Variants in ARSB observed in about 807,000 individuals in gnomAD.
ARSB encodes the protein N-acetylgalactosamine-4-sulfatase.
Under a neutral mutation model 50.9 loss-of-function variants are expected in ARSB, and 41 were observed. The observed-to-expected ratio is 0.81, with a 90% CI of 0.63 to 1.04. ARSB has a LOEUF of 1.04. Among genes scored for constraint, ARSB ranks in the 50% least tolerant of loss-of-function variants. The pLI is 0.00. For synonymous variants in ARSB, 269 were observed against 284.8 expected, an observed-to-expected ratio of 0.94 and a Z score of 0.56; for missense variants, 672 against 693.3, an observed-to-expected ratio of 0.97 and a Z score of 0.35.
At chr5:78,814,146 A>C (rs1332124138) in intron 6 of ARSB, among the ~76,000 whole-genome samples, 1 of 150,960 alleles carries the variant, frequency 6.6e-6, no homozygotes, top group Non-Finnish European at 1.5e-5. Flanking sequence ...ATAGCTTGAG[A>C]TGTCTGCAAG....
intron 3 of ARSB, among the ~76,000 whole-genome samples, chr5:78,958,367 G>A (rs901591762): frequency 6.6e-6 from 1 of 152,110 alleles, no homozygotes; most frequent in Non-Finnish European, 1.5e-5. Context: ...GTGATTCCCA[G>A]CCAGCAATTG....
intron 4 of ARSB, among the ~76,000 whole-genome samples, chr5:78,928,278 G>A (rs1193805480): frequency 6.7e-6 from 1 of 149,614 alleles, no homozygotes; most frequent in Non-Finnish European, 1.5e-5. Context: ...AGGATCTGTG[G>A]GCAACTGTGA....
chr5:78,959,271 GC>G (rs1751879239), intron 3 of ARSB, among the ~76,000 whole-genome samples: 1 of 151,694 alleles, frequency 6.6e-6, no homozygotes, highest in Non-Finnish European at 1.5e-5. Flanking sequence ...GTTTCCTGAG[GC>G]CTCCCCAGCC....
intron 4 of ARSB, among the ~76,000 whole-genome samples, chr5:78,887,824 A>G (rs752885220): frequency 1.3e-5 from 2 of 152,176 alleles, no homozygotes; most frequent in Non-Finnish European, 2.9e-5. Flanking sequence ...TCACACATGT[A>G]GGCCACATAA....
intron 1 of ARSB, among the ~76,000 whole-genome samples, chr5:78,979,378 C>T (rs550987887): frequency 5.3e-5 from 8 of 152,184 alleles, no homozygotes; most frequent in Admixed American, 2.0e-4. Flanking sequence ...AACCCACATA[C>T]GTTGCTAGTG....
chr5:78,905,435 T>A (rs187737834), intron 4 of ARSB, among the ~76,000 whole-genome samples: 339 of 151,604 alleles, frequency 2.2e-3, no homozygotes, highest in Non-Finnish European at 4.1e-3. Flanking sequence ...GTTAAAATCC[T>A]CTCGAGGGTG....
At chr5:78,902,538 G>A (rs1423165856) in intron 4 of ARSB, among the ~76,000 whole-genome samples, 1 of 152,090 alleles carries the variant, frequency 6.6e-6, no homozygotes, top group African/African-American at 2.4e-5. Context: ...TTTTTAAAAT[G>A]TATATTTTCA....
At chr5:78,953,613 C>T (rs952459491) in intron 4 of ARSB, among the ~76,000 whole-genome samples, 1 of 152,138 alleles carries the variant, frequency 6.6e-6, no homozygotes, top group African/African-American at 2.4e-5. Flanking sequence ...AATTCCTCAA[C>T]ATGTCACCTC....
At chr5:78,966,067 G>A (rs1340389168) in intron 2 of ARSB, among the ~76,000 whole-genome samples, 3 of 152,184 alleles carry the variant, frequency 2.0e-5, no homozygotes, top group Non-Finnish European at 4.4e-5. Context: ...TAACTACTGG[G>A]CATTAAAGCT....
At chr5:78,928,620 T>A (rs1350574144) in intron 4 of ARSB, among the ~76,000 whole-genome samples, 1 of 152,172 alleles carries the variant, frequency 6.6e-6, no homozygotes, top group African/African-American at 2.4e-5. Flanking sequence ...CCGGCTGCTT[T>A]TGCTATTTTT....
At chr5:78,960,228 G>T (rs1314802722) in intron 3 of ARSB, among the ~76,000 whole-genome samples, 1 of 152,138 alleles carries the variant, frequency 6.6e-6, no homozygotes, top group East Asian at 1.9e-4. Flanking sequence ...GATATTGGGG[G>T]TTCTTTTCCC....
intron 5 of ARSB, among the ~76,000 whole-genome samples, chr5:78,866,422 T>C (rs1746742783): frequency 6.6e-6 from 1 of 151,944 alleles, no homozygotes; most frequent in Non-Finnish European, 1.5e-5. Flanking sequence ...CCACAACACA[T>C]GGGAATTCAA....
At position 78,779,255 on chromosome 5, in the gene ARSB, G is replaced by C. The variant is rs978532328; in HGVS notation, c.*1142C>G. On this transcript the variant is annotated 3_prime_UTR_variant, in exon 8 of 8. Coordinates refer to ENST00000264914, the MANE Select transcript of ARSB (RefSeq NM_000046.5). ...ACTGCATCCTCTTTGCCAGACCCCAGAACCTCAAAACAAGCAGTAAAACAG... is the reference window on the plus strand; with the variant it reads ...ACTGCATCCTCTTTGCCAGACCCCACAACCTCAAAACAAGCAGTAAAACAG... The C allele has an allele frequency of 6.6e-6, 1 of 152,036 alleles. No individual in the cohort carries two copies. The highest frequency in any genetic ancestry group is 1.5e-5 in the Non-Finnish European group (1 of 68,024). 9.4% of individuals were successfully genotyped at this position (152,036 alleles called of 1,614,324 possible). A position where few individuals can be genotyped will look rare whatever the true frequency, so the allele number is the denominator to read the frequency against.
chr5:78,826,195 C>T (rs540613543), intron 6 of ARSB, among the ~76,000 whole-genome samples: 8 of 152,112 alleles, frequency 5.3e-5, no homozygotes, highest in African/African-American at 1.9e-4. Flanking sequence ...TACAGGCGTG[C>T]ACCACCATGC....
At chr5:78,881,953 C>T (rs1579994784) in intron 5 of ARSB, among the ~76,000 whole-genome samples, 1 of 152,206 alleles carries the variant, frequency 6.6e-6, no homozygotes, top group African/African-American at 2.4e-5. Context: ...ATAGGTTTAA[C>T]AAAGTATGGA....
chr5:78,874,765 C>T (rs139845907), intron 5 of ARSB, among the ~76,000 whole-genome samples: 173 of 152,258 alleles, frequency 1.1e-3, no homozygotes, highest in African/African-American at 4.0e-3. Flanking sequence ...TTTTCAATTA[C>T]ACCTGATGTG....
At chr5:78,984,325 G>C (rs1190732272) in intron 1 of ARSB, among the ~76,000 whole-genome samples, 1 of 152,184 alleles carries the variant, frequency 6.6e-6, no homozygotes, top group Admixed American at 6.5e-5. Flanking sequence ...CGTTCCTAAA[G>C]GGAAGCTTTT....
At chr5:78,871,282 C>A (rs953223867) in intron 5 of ARSB, among the ~76,000 whole-genome samples, 1 of 152,164 alleles carries the variant, frequency 6.6e-6, no homozygotes, top group South Asian at 2.1e-4. Context: ...ATCAAGCTAC[C>A]AATGACTTTC....
chr5:78,875,082 T>A (rs1448242697), intron 5 of ARSB, among the ~76,000 whole-genome samples: 4 of 152,188 alleles, frequency 2.6e-5, no homozygotes, highest in Admixed American at 2.0e-4. Context: ...CACTGCACTC[T>A]AGCTTGGGTG....
Sources: gnomAD v4.1 joint callset for allele counts (sites outside exome capture counted in the v4.1 genomes callset) on GRCh38, gnomAD v4.1.1 for gene constraint, MANE v1.5 for transcripts, NCBI Gene and HGNC (gene_info 2026-07-23, HGNC 2026-07-21) for gene names.